The following FMO5 variants were observed in gnomAD, a reference collection of about 807,000 sequenced individuals.
FMO5 encodes flavin containing dimethylaniline monoxygenase 5.
In FMO5, 51 loss-of-function variants were observed where a neutral mutation model predicts 43.6. That is an observed-to-expected ratio of 1.17 (90% CI 0.93 to 1.48). The LOEUF (loss-of-function observed/expected upper bound fraction) is 1.48. Among genes scored for constraint, FMO5 ranks in the 40% most tolerant of loss-of-function variants. The pLI, the probability that FMO5 is intolerant of heterozygous loss-of-function variation, is 0.00. For missense variants in FMO5, 644 were observed against 643.0 expected (o/e 1.00, Z -0.02); for synonymous variants, 187 against 216.5 (o/e 0.86, Z 1.20).
chr1:147,209,763 T>C (rs1384041548), intron 5 of FMO5: 2 of 152,386 alleles, frequency 1.3e-5, no homozygotes, highest in East Asian at 3.9e-4. Context: ...ATCCTCTGAA[T>C]TTCTCTAGCA....
At chr1:147,202,635 G>A (rs1553921314) in intron 6 of FMO5, among the ~76,000 whole-genome samples, 1 of 152,066 alleles carries the variant, frequency 6.6e-6, no homozygotes, top group Non-Finnish European at 1.5e-5. Flanking sequence ...TAGTCTTAAT[G>A]CCTGAATACT....
intron 5 of FMO5, chr1:147,210,538 T>G (rs1660911916): frequency 6.6e-6 from 1 of 152,200 alleles, no homozygotes; most frequent in South Asian, 2.1e-4. Flanking sequence ...CTGATAATTA[T>G]GTACTTCCAC....
At chr1:147,218,713 A>C (rs587665720) in intron 2 of FMO5, among the ~76,000 whole-genome samples, 1 of 152,192 alleles carries the variant, frequency 6.6e-6, no homozygotes. Flanking sequence ...ATCTTCATCC[A>C]GTGTTGTCCT....
At chr1:147,190,387 G>C (rs1009226716) in intron 7 of FMO5, 138 bp from the exon 8 acceptor site, 2 of 575,204 alleles carry the variant, frequency 3.5e-6, no homozygotes, top group African/African-American at 1.9e-5. Flanking sequence ...CAATTCACTT[G>C]ATCACCTTAC....
chr1:147,202,307 C>T (rs1222258520), intron 6 of FMO5, among the ~76,000 whole-genome samples: 3 of 106,586 alleles, frequency 2.8e-5, no homozygotes, highest in African/African-American at 1.1e-4. Context: ...TTCTAAAAAG[C>T]AGTTCTTTTT....
intron 8 of FMO5, 68 bp downstream of exon 8, chr1:147,190,109 T>G: frequency 2.8e-6 from 3 of 1,083,572 alleles, no homozygotes; most frequent in Non-Finnish European, 4.2e-6. Flanking sequence ...TTAAATACAG[T>G]ACAATATTTC....
At chr1:147,212,831 T>C (rs1425802280) in intron 4 of FMO5, among the ~76,000 whole-genome samples, 1 of 152,194 alleles carries the variant, frequency 6.6e-6, no homozygotes, top group Non-Finnish European at 1.5e-5. Flanking sequence ...TTCTCTTTTA[T>C]CTTTTCATCC....
chr1:147,192,613 G>GT (rs200255969), intron 7 of FMO5, among the ~76,000 whole-genome samples: 4,082 of 152,158 alleles, frequency 0.027, 57 homozygotes, highest in Non-Finnish European at 0.036. Context: ...AATGCTTCCA[G>GT]TTTTTGCCCA....
downstream of FMO5, chr1:147,184,764 T>C (rs1388273945): frequency 7.0e-6 from 8 of 1,142,308 alleles, no homozygotes; most frequent in African/African-American, 9.6e-5. The surrounding 1 kb of genome is among the most constrained non-coding windows in gnomAD (Gnocchi z 4.4). Context: ...CGAGATAGTG[T>C]TTATCAGATT....
At chr1:147,191,943 G>A (rs1206860684) in intron 7 of FMO5, among the ~76,000 whole-genome samples, 13 of 151,992 alleles carry the variant, frequency 8.6e-5, no homozygotes, top group African/African-American at 1.2e-4. Flanking sequence ...GTCAGGTAGC[G>A]TGATGCCTCC....
chr1:147,204,912 C>T, intron 6 of FMO5: 1 of 1,575,410 alleles, frequency 6.3e-7, no homozygotes, highest in Non-Finnish European at 8.7e-7. Flanking sequence ...AGCCCGGAGC[C>T]TTGGGAACTT....
intron 7 of FMO5, 81 bp downstream of exon 7, chr1:147,201,071 C>T (rs1658879174): frequency 1.0e-6 from 1 of 962,888 alleles, no homozygotes; most frequent in Admixed American, 2.2e-5. Context: ...CATGCTATCT[C>T]TAGCTATTTA....
chr1:147,217,181 G>A (rs1264439260), intron 2 of FMO5, among the ~76,000 whole-genome samples: 4 of 151,924 alleles, frequency 2.6e-5, no homozygotes, highest in African/African-American at 7.3e-5. Flanking sequence ...CGGAGGTTGC[G>A]GTGACAGAGA....
At chr1:147,211,189 T>C (rs782454267) in intron 5 of FMO5, 6 of 152,200 alleles carry the variant, frequency 3.9e-5, no homozygotes, top group South Asian at 2.1e-4. Context: ...TGCTTTGTTA[T>C]GTGGCAACCT....
chr1:147,225,263 C>T, intron 1 of FMO5, 24 bp downstream of exon 1: 1 of 1,153,180 alleles, frequency 8.7e-7, no homozygotes, highest in Non-Finnish European at 1.2e-6. Flanking sequence ...GCTGAGAGTG[C>T]TCTGCTGCGG....
At chr1:147,187,483 T>C (rs1655830974) in intron 8 of FMO5, among the ~76,000 whole-genome samples, 1 of 151,938 alleles carries the variant, frequency 6.6e-6, no homozygotes, top group Non-Finnish European at 1.5e-5. Context: ...AATAGAAATG[T>C]GGAGAGGGGA....
At chr1:147,224,828 T>C (rs1663736361) in intron 2 of FMO5, 67 bp downstream of exon 2, 1 of 1,515,212 alleles carries the variant, frequency 6.6e-7, no homozygotes, top group African/African-American at 1.4e-5. Context: ...ACTGTTAAGA[T>C]AAACTGTCGT....
chr1:147,214,857 C>G (rs1661716255), intron 3 of FMO5: 1 of 151,944 alleles, frequency 6.6e-6, no homozygotes, highest in South Asian at 2.1e-4. Context: ...ATATTCAATG[C>G]TTAGTATGGT....
At chr1:147,212,569 G>A in intron 4 of FMO5, 34 bp from the exon 5 acceptor site, 3 of 1,587,412 alleles carry the variant, frequency 1.9e-6, no homozygotes, top group Non-Finnish European at 1.7e-6. Context: ...ATTGGGTAAT[G>A]GTTTACATGA....
Sources: gnomAD v4.1 joint callset for allele counts (sites outside exome capture counted in the v4.1 genomes callset) on GRCh38, gnomAD v4.1.1 for gene constraint, Gnocchi (gnomAD v3.1) non-coding constraint, MANE v1.5 for transcripts, NCBI Gene and HGNC (gene_info 2026-07-23, HGNC 2026-07-21) for gene names.